The following MGAT4C variants were observed in gnomAD, a reference collection of about 807,000 sequenced individuals.
The protein encoded by MGAT4C is alpha-1,3-mannosyl-glycoprotein 4-beta-N-acetylglucosaminyltransferase C.
A neutral mutation model predicts 40.1 loss-of-function variants in MGAT4C; 19 were observed. That is an observed-to-expected ratio of 0.47 (90% CI 0.33 to 0.70). MGAT4C has a LOEUF of 0.70. MGAT4C is among the 30% of genes least tolerant of loss of function. The pLI is 0.02. For synonymous variants in MGAT4C, 181 were observed against 187.1 expected, an observed-to-expected ratio of 0.97 and a Z score of 0.27; for missense variants, 491 against 563.2, an observed-to-expected ratio of 0.87 and a Z score of 1.30.
At chr12:86,573,787 A>G (rs774264234) in intron 2 of MGAT4C, among the ~76,000 whole-genome samples, 33 of 152,052 alleles carry the variant, frequency 2.2e-4, no homozygotes, top group Non-Finnish European at 4.1e-4. Context: ...ACTTTCTAAT[A>G]GCTTGACTTT....
In MGAT4C at chr12:85,964,907, T is replaced by G. The variant is rs1453672577; in HGVS notation, c.*14382A>C. On this transcript the variant is annotated 3_prime_UTR_variant, in exon 5 of 5. Transcript: ENST00000611864. ...TGATTAAACTCACTTTTATGTAAGATAGTGAGGCCCCAGAGAGCCCTCGAG... is the reference window on the plus strand; with the variant it reads ...TGATTAAACTCACTTTTATGTAAGAGAGTGAGGCCCCAGAGAGCCCTCGAG... 1 of 152,164 alleles carries G rather than the reference T, an allele frequency of 6.6e-6. No homozygotes were observed. Among genetic ancestry groups the G allele is most frequent in the South Asian group, 2.1e-4 (1 of 4,830 alleles). The allele number at this position is 152,164 out of a possible 1,614,324, so 9.4% of individuals were successfully genotyped here. A position where few individuals can be genotyped will look rare whatever the true frequency, so the allele number is the denominator to read the frequency against.
At chr12:86,655,590 T>C (rs1174814629) in intron 2 of MGAT4C, among the ~76,000 whole-genome samples, 1 of 152,112 alleles carries the variant, frequency 6.6e-6, no homozygotes, top group East Asian at 1.9e-4. Flanking sequence ...TCCAGCCAAA[T>C]GTATTTTTTG....
intron 1 of MGAT4C, among the ~76,000 whole-genome samples, chr12:86,103,655 T>C (rs1390076823): frequency 6.6e-6 from 1 of 152,130 alleles, no homozygotes; most frequent in Non-Finnish European, 1.5e-5. Flanking sequence ...TTTGTCTGTC[T>C]AAACTAATAT....
chr12:86,360,855 G>C (rs560510309), intron 3 of MGAT4C, among the ~76,000 whole-genome samples: 1 of 150,140 alleles, frequency 6.7e-6, no homozygotes, highest in Non-Finnish European at 1.5e-5. Context: ...ACAAATGGAC[G>C]AACGTTCCAT....
chr12:86,412,169 G>A (rs1156312298), intron 3 of MGAT4C, among the ~76,000 whole-genome samples: 1 of 152,210 alleles, frequency 6.6e-6, no homozygotes. Context: ...CAGTGCAGAG[G>A]GAAAACGTGG....
chr12:86,070,210 C>T (rs1213642590), intron 1 of MGAT4C, among the ~76,000 whole-genome samples: 5 of 151,918 alleles, frequency 3.3e-5, no homozygotes, highest in Non-Finnish European at 7.4e-5. Flanking sequence ...TATTAAACTG[C>T]AAATTTCTCC....
chr12:86,677,920 T>C (rs1949898472), intron 2 of MGAT4C, among the ~76,000 whole-genome samples: 1 of 152,130 alleles, frequency 6.6e-6, no homozygotes, highest in African/African-American at 2.4e-5. Flanking sequence ...CCTCTAAAGA[T>C]AGACATTCTC....
At chr12:86,338,380 T>C (rs1010330665) in intron 3 of MGAT4C, among the ~76,000 whole-genome samples, 1 of 152,154 alleles carries the variant, frequency 6.6e-6, no homozygotes, top group Admixed American at 6.5e-5. Context: ...GCACTGCTCT[T>C]GGGAGCAGTT....
intron 4 of MGAT4C, among the ~76,000 whole-genome samples, chr12:86,292,997 C>A (rs544055275): frequency 6.6e-6 from 1 of 152,012 alleles, no homozygotes; most frequent in East Asian, 1.9e-4. Flanking sequence ...TAGTTGGTTG[C>A]AGGTTAGAGA....
chr12:86,656,534 G>A (rs948033498), intron 2 of MGAT4C, among the ~76,000 whole-genome samples: 7 of 152,124 alleles, frequency 4.6e-5, no homozygotes, highest in African/African-American at 1.7e-4. Flanking sequence ...CAATCCATAT[G>A]AGGACCAGGT....
At chr12:86,565,651 A>C (rs1274267450) in intron 2 of MGAT4C, among the ~76,000 whole-genome samples, 1 of 152,128 alleles carries the variant, frequency 6.6e-6, no homozygotes, top group Non-Finnish European at 1.5e-5. Flanking sequence ...ATGATTAGAG[A>C]ATTGGTGACA....
chr12:86,469,237 C>T (rs1468982925), intron 2 of MGAT4C, among the ~76,000 whole-genome samples: 1 of 152,072 alleles, frequency 6.6e-6, no homozygotes, highest in Non-Finnish European at 1.5e-5. Context: ...ATGATCCCTG[C>T]TTTCTGATAT....
At chr12:86,649,378 G>T (rs935203601) in intron 2 of MGAT4C, among the ~76,000 whole-genome samples, 17 of 151,642 alleles carry the variant, frequency 1.1e-4, no homozygotes, top group Non-Finnish European at 7.4e-5. Flanking sequence ...ATTAACACAG[G>T]ATCTTTAATG....
At chr12:86,021,600 AG>A (rs1555207318) in intron 2 of MGAT4C, among the ~76,000 whole-genome samples, 1 of 87,240 alleles carries the variant, frequency 1.1e-5, no homozygotes, top group Non-Finnish European at 2.1e-5. Context: ...GGGTGGGGGG[AG>A]GGGGGAGGGA....
chr12:86,572,635 G>T (rs1338658992), intron 2 of MGAT4C, among the ~76,000 whole-genome samples: 1 of 152,032 alleles, frequency 6.6e-6, no homozygotes, highest in Non-Finnish European at 1.5e-5. Context: ...TATGACCTTT[G>T]TATTTTTATG....
chr12:85,979,766 C>T lies in MGAT4C; in HGVS notation c.960G>A (p.Gly320=). 2 of 1,613,508 alleles carry T rather than the reference C, an allele frequency of 1.2e-6. No homozygotes were observed. Among genetic ancestry groups the T allele is most frequent in the Non-Finnish European group, 8.5e-7 (1 of 1,179,792 alleles). The change falls in exon 5 of 5, where the codon GGG becomes GGA. Residue 320 remains glycine (G), a synonymous_variant. Coordinates refer to ENST00000611864, the MANE Select transcript of MGAT4C (RefSeq NM_001351288.2). ...CATCATCCTTCAGCTTATTCTCCGT[C>T]CCTTTGTATGATGAATAATAGCCCA... ...QHMGYYSSYK[G]TENKLKDDDF...
At chr12:86,675,286 C>A (rs948777705) in intron 2 of MGAT4C, among the ~76,000 whole-genome samples, 20 of 152,160 alleles carry the variant, frequency 1.3e-4, no homozygotes, top group Non-Finnish European at 2.8e-4. Context: ...GAAGACTACT[C>A]TCTCTTCGTA....
At chr12:86,152,789 C>T (rs1174582635) in intron 1 of MGAT4C, among the ~76,000 whole-genome samples, 2 of 152,198 alleles carry the variant, frequency 1.3e-5, no homozygotes, top group Non-Finnish European at 2.9e-5. Context: ...CTTGTTAACA[C>T]ATATGCATTT....
intron 1 of MGAT4C, chr12:86,068,601 T>G (rs201194365): frequency 6.7e-6 from 1 of 148,666 alleles, no homozygotes; most frequent in African/African-American, 2.5e-5. Flanking sequence ...ATATTTATAT[T>G]ATATATATAT....
Sources: allele counts gnomAD v4.1 joint callset (sites outside exome capture counted in the v4.1 genomes callset), GRCh38; gene constraint gnomAD v4.1.1; transcripts MANE v1.5; gene names NCBI Gene and HGNC (gene_info 2026-07-23, HGNC 2026-07-21).